The following PKNOX2 variants were observed in gnomAD, a reference collection of about 807,000 sequenced individuals.
PKNOX2 encodes the protein homeobox protein PKNOX2.
PKNOX2 carries 14 observed loss-of-function variants against 53.1 expected under a neutral mutation model. The ratio of observed to expected loss-of-function variants is 0.26; its 90% CI spans 0.17 to 0.41. The LOEUF (loss-of-function observed/expected upper bound fraction) is 0.41, where lower values mean the gene tolerates loss of function less well. Among genes scored for constraint, PKNOX2 ranks in the 10% least tolerant of loss-of-function variants. The pLI, the probability that PKNOX2 is intolerant of heterozygous loss-of-function variation, is 1.00. For synonymous variants in PKNOX2, 257 were observed against 242.8 expected, an observed-to-expected ratio of 1.06 and a Z score of -0.54; for missense variants, 496 against 602.8, an observed-to-expected ratio of 0.82 and a Z score of 1.85.
intron 2 of PKNOX2, among the ~76,000 whole-genome samples, chr11:125,236,871 G>T (rs1942741518): frequency 6.6e-6 from 1 of 152,252 alleles, no homozygotes. Context: ...GTGAGGGCTG[G>T]ATTTGAGAGG....
intron 1 of PKNOX2, among the ~76,000 whole-genome samples, chr11:125,189,311 GA>G (rs1482831270): frequency 6.8e-6 from 1 of 146,868 alleles, no homozygotes; most frequent in East Asian, 2.0e-4. Context: ...TGGCCCAGGG[GA>G]TAGGAACAAG....
intron 7 of PKNOX2, among the ~76,000 whole-genome samples, chr11:125,401,821 G>A (rs7932256): frequency 0.03 from 4,492 of 152,116 alleles, 201 homozygotes; most frequent in African/African-American, 0.091. Context: ...ACATGCATTC[G>A]TCATGGTTCA....
At position 125,396,585 on chromosome 11, in the gene PKNOX2, A is replaced by T. The variant is rs949419394; in HGVS notation, c.400-1289A>T. On this transcript the variant is annotated intron_variant, in intron 6 of 12. Coordinates refer to ENST00000298282, the MANE Select transcript of PKNOX2 (RefSeq NM_001382323.2). ...AAGAATAATGCAGAAACTTTTAAAA[A>T]AAAAAAAAAAAAGCTATAAGCTTAG... Among the ~76,000 whole-genome samples, 27 of 151,842 alleles carry T rather than the reference A, an allele frequency of 1.8e-4. 1 individual carries two copies. The highest frequency in any genetic ancestry group is 6.5e-4 in the African/African-American group (27 of 41,306).
chr11:125,175,251 A>AAG (rs1283725087), intron 1 of PKNOX2, among the ~76,000 whole-genome samples: 4,224 of 58,752 alleles, frequency 0.072, 91 homozygotes, highest in African/African-American at 0.09. Context: ...AAGGAAGGAA[A>AAG]GAAGGAAGGA....
chr11:125,200,022 C>T (rs1938254065), intron 1 of PKNOX2, among the ~76,000 whole-genome samples: 1 of 152,200 alleles, frequency 6.6e-6, no homozygotes, highest in African/African-American at 2.4e-5. Flanking sequence ...TGTCTCCTGT[C>T]CTCTGTGATT....
chr11:125,205,416 C>A (rs1210461842), intron 1 of PKNOX2, among the ~76,000 whole-genome samples: 2 of 152,232 alleles, frequency 1.3e-5, no homozygotes, highest in Non-Finnish European at 2.9e-5. Context: ...GCAGGCCAGG[C>A]AGGCAGCTTC....
intron 2 of PKNOX2, among the ~76,000 whole-genome samples, chr11:125,301,061 C>T (rs1196953451): frequency 2.6e-5 from 4 of 152,148 alleles, no homozygotes; most frequent in Non-Finnish European, 4.4e-5. Context: ...ATCTCAGCCC[C>T]AGGCCAAAAT....
intron 2 of PKNOX2, among the ~76,000 whole-genome samples, chr11:125,284,225 G>A (rs1946756444): frequency 6.6e-6 from 1 of 152,220 alleles, no homozygotes; most frequent in South Asian, 2.1e-4. Context: ...ATACACCACT[G>A]ACTTCCCTCC....
chr11:125,291,590 A>T (rs1215916898), intron 2 of PKNOX2, among the ~76,000 whole-genome samples: 3 of 152,216 alleles, frequency 2.0e-5, no homozygotes, highest in African/African-American at 7.2e-5. Context: ...AAAACTAGGG[A>T]CACAAACAGA....
In PKNOX2 at chr11:125,431,488, C is replaced by T. The variant is rs550804844; in HGVS notation, c.*96C>T. 37 of 1,145,480 alleles carry T rather than the reference C, an allele frequency of 3.2e-5. No individual in the cohort carries two copies. In the East Asian group the frequency reaches 9.6e-4, roughly 30 times the overall value. The allele number at this position is 1,145,480 out of a possible 1,614,324, so 71.0% of individuals were successfully genotyped here. On this transcript the variant is annotated 3_prime_UTR_variant, in exon 13 of 13. Coordinates refer to ENST00000298282, the MANE Select transcript of PKNOX2 (RefSeq NM_001382323.2). ...GGAAGGGGACATGGGCAGGAAGCAC[C>T]GAGGGAGTTGGGCCCTAGCTTCCCC...
At chr11:125,172,084 G>C (rs769158143) in intron 1 of PKNOX2, among the ~76,000 whole-genome samples, 4 of 152,164 alleles carry the variant, frequency 2.6e-5, no homozygotes, top group Non-Finnish European at 4.4e-5. Flanking sequence ...CTGGCCAGTG[G>C]GGGCATGAAA....
At chr11:125,309,131 CTTTCTTTCTTTCTTTCTTTCTTTCT>C (rs1565493490) in intron 2 of PKNOX2, among the ~76,000 whole-genome samples, 10 of 102,350 alleles carry the variant, frequency 9.8e-5, no homozygotes, top group African/African-American at 3.5e-4. Flanking sequence ...TTACCTCTTC[CTTTCTTTCTTTCTTTCTTTCTTTCT>C]TTCCTTCCTT....
chr11:125,285,265 G>T (rs1021366822), intron 2 of PKNOX2, among the ~76,000 whole-genome samples: 1 of 152,132 alleles, frequency 6.6e-6, no homozygotes, highest in Non-Finnish European at 1.5e-5. Context: ...TTTGAAAAGG[G>T]CTCTGGTGCT....
At chr11:125,190,325 C>T (rs539504414) in intron 1 of PKNOX2, among the ~76,000 whole-genome samples, 3 of 152,272 alleles carry the variant, frequency 2.0e-5, no homozygotes, top group African/African-American at 4.8e-5. Context: ...TATCCGTGCC[C>T]AGCATGTCAC....
chr11:125,280,668 G>T, intron 2 of PKNOX2, among the ~76,000 whole-genome samples: 1 of 152,174 alleles, frequency 6.6e-6, no homozygotes, highest in Non-Finnish European at 1.5e-5. Context: ...TCACAAGCAG[G>T]GTGAGGGGCA....
intron 2 of PKNOX2, among the ~76,000 whole-genome samples, chr11:125,256,076 G>C (rs932883894): frequency 1.3e-5 from 2 of 152,034 alleles, no homozygotes; most frequent in African/African-American, 4.8e-5. Context: ...AGGGAACTTA[G>C]CCTGCTGGGA....
chr11:125,288,550 G>A (rs576412196), intron 2 of PKNOX2, among the ~76,000 whole-genome samples: 2 of 152,272 alleles, frequency 1.3e-5, no homozygotes, highest in African/African-American at 4.8e-5. Context: ...ATGGCCCATC[G>A]GCCCTGCAAA....
intron 7 of PKNOX2, among the ~76,000 whole-genome samples, chr11:125,401,802 C>T (rs529078036): frequency 6.7e-6 from 1 of 148,278 alleles, no homozygotes; most frequent in Admixed American, 6.7e-5. Context: ...TGTGTGTGCA[C>T]ACGCGGGCAC....
At chr11:125,333,034 C>T (rs867338929) in intron 3 of PKNOX2, among the ~76,000 whole-genome samples, 6 of 152,140 alleles carry the variant, frequency 3.9e-5, no homozygotes, top group African/African-American at 1.4e-4. Context: ...GTCAAGTCTT[C>T]GCTGAGTGTG....
Sources: gnomAD v4.1 joint callset for allele counts (sites outside exome capture counted in the v4.1 genomes callset) on GRCh38, gnomAD v4.1.1 for gene constraint, MANE v1.5 for transcripts, NCBI Gene and HGNC (gene_info 2026-07-23, HGNC 2026-07-21) for gene names.